Variants in UTS2B observed in about 807,000 individuals in gnomAD.
UTS2B encodes urotensin 2B.
UTS2B carries 21 observed loss-of-function variants against 19.2 expected under a neutral mutation model. That is an observed-to-expected ratio of 1.09 (90% CI 0.78 to 1.58). The LOEUF is 1.58. Among genes scored for constraint, UTS2B ranks in the 40% most tolerant of loss-of-function variants. The pLI, the probability that UTS2B is intolerant of heterozygous loss-of-function variation, is 0.00. For missense variants in UTS2B, 138 were observed against 130.3 expected, an observed-to-expected ratio of 1.06 and a Z score of -0.29; for synonymous variants, 57 against 50.2, an observed-to-expected ratio of 1.14 and a Z score of -0.58.
chr3:191,304,031 G>A (rs775800369), intron 4 of UTS2B, among the ~76,000 whole-genome samples: 6 of 151,814 alleles, frequency 4.0e-5, no homozygotes, highest in Non-Finnish European at 8.8e-5. Context: ...GTGCAGTGGC[G>A]CAATCTCGGC....
At chr3:191,335,630 T>C in the UTS2B span, among the ~76,000 whole-genome samples, 1 of 152,018 alleles carries the variant, frequency 6.6e-6, no homozygotes, top group African/African-American at 2.4e-5. Context: ...CATACACACA[T>C]ACATTAAGTG....
chr3:191,340,862 G>A, the UTS2B span, among the ~76,000 whole-genome samples: 20 of 152,286 alleles, frequency 1.3e-4, no homozygotes, highest in African/African-American at 3.8e-4. Context: ...TAGAGACAGG[G>A]TTTCACTCTG....
chr3:191,274,489 G>A (rs116779148), intron 8 of UTS2B, among the ~76,000 whole-genome samples: 1,828 of 152,256 alleles, frequency 0.012, 27 homozygotes, highest in African/African-American at 0.038. Flanking sequence ...CCAAGGTTGC[G>A]TAGGTAGTCA....
the UTS2B span, among the ~76,000 whole-genome samples, chr3:191,338,318 C>T: frequency 1.3e-5 from 2 of 152,010 alleles, no homozygotes; most frequent in Admixed American, 6.6e-5. Context: ...GTGTAAATAT[C>T]GAATACAAGA....
In UTS2B at chr3:191,276,900, G is replaced by C; in HGVS notation, c.203-56C>G. Reference sequence around the variant, plus strand: ...GTACATTGCAAGTAATATTTAATTTGCTTCAGTACACACATTTAAGATCTT... The same window carrying C: ...GTACATTGCAAGTAATATTTAATTTCCTTCAGTACACACATTTAAGATCTT... On this transcript the variant is annotated intron_variant, in intron 6 of 8. Coordinates refer to ENST00000340524, the MANE Select transcript of UTS2B (RefSeq NM_198152.5). The C allele has an allele frequency of 2.7e-6, 4 of 1,501,650 alleles. No homozygotes were observed. In the East Asian group the frequency reaches 6.8e-5, roughly 26 times the overall value. 93.0% of individuals were successfully genotyped at this position (1,501,650 alleles called of 1,614,324 possible). A position where few individuals can be genotyped will look rare whatever the true frequency, so the allele number is the denominator to read the frequency against.
intron 3 of UTS2B, among the ~76,000 whole-genome samples, chr3:191,306,440 A>C (rs1192763383): frequency 6.6e-6 from 1 of 152,206 alleles, no homozygotes; most frequent in Non-Finnish European, 1.5e-5. Flanking sequence ...TTTATAGTTT[A>C]TATTTATCAT....
upstream of UTS2B, among the ~76,000 whole-genome samples, chr3:191,332,296 A>C (rs1313022513): frequency 1.3e-5 from 2 of 152,316 alleles, no homozygotes; most frequent in East Asian, 3.9e-4. Context: ...CTTTTGAAAA[A>C]ACACACACAC....
intron 2 of UTS2B, among the ~76,000 whole-genome samples, chr3:191,323,533 G>T (rs1215569693): frequency 2.6e-5 from 4 of 152,134 alleles, no homozygotes; most frequent in African/African-American, 4.8e-5. Flanking sequence ...GGACCTTGTA[G>T]GTATAAGGGA....
chr3:191,332,666 A>G (rs922461916), upstream of UTS2B, among the ~76,000 whole-genome samples: 3 of 152,254 alleles, frequency 2.0e-5, no homozygotes, highest in African/African-American at 7.2e-5. Flanking sequence ...TGGAGTTCAG[A>G]GCTGGAAACA....
At position 191,282,186 on chromosome 3, in the gene UTS2B, T is replaced by C. The variant is rs1233830073; in HGVS notation, c.4A>G (p.Asn2Asp). 5 of 1,608,204 alleles carry C rather than the reference T, an allele frequency of 3.1e-6. No individual in the cohort carries two copies. Among genetic ancestry groups the C allele is most frequent in the Non-Finnish European group, 8.5e-7 (1 of 1,177,572 alleles). The stretch of plus-strand genomic sequence containing the variant: ...CAAACAGTGCTTGAGAGGATCTTGT[T>C]CATGTTAAAAAAAACCTTCTGGACT... M[N>D]KILSSTVCFG... The change falls in exon 5 of 9, where the codon AAC (asparagine) becomes GAC (aspartate). Residue 2 changes from asparagine (N) to aspartate (D), a missense_variant. Physicochemically the swap from Asn to Asp is conservative, Grantham distance 23. Transcript: ENST00000340524.
chr3:191,327,751 G>GA, intron 2 of UTS2B, among the ~76,000 whole-genome samples: 1 of 152,310 alleles, frequency 6.6e-6, no homozygotes, highest in East Asian at 1.9e-4. Context: ...GCTTGGTAGA[G>GA]AAGTAGAAAC....
At chr3:191,292,013 A>C (rs944816953) in intron 4 of UTS2B, among the ~76,000 whole-genome samples, 2 of 152,176 alleles carry the variant, frequency 1.3e-5, no homozygotes, top group African/African-American at 4.8e-5. Context: ...TAAGCCTTGA[A>C]ATTGGAAAGT....
At chr3:191,300,559 G>A (rs1716971308) in intron 4 of UTS2B, among the ~76,000 whole-genome samples, 1 of 152,206 alleles carries the variant, frequency 6.6e-6, no homozygotes, top group African/African-American at 2.4e-5. Flanking sequence ...GCTGAGAAGG[G>A]ATGGCTGTAT....
At chr3:191,279,838 TA>T (rs1005732643) in intron 5 of UTS2B, among the ~76,000 whole-genome samples, 3 of 151,736 alleles carry the variant, frequency 2.0e-5, no homozygotes, top group African/African-American at 7.3e-5. Context: ...AGATATTGGC[TA>T]AAAAAAAGCA....
chr3:191,296,229 G>A (rs1224178105), intron 4 of UTS2B, among the ~76,000 whole-genome samples: 2 of 151,814 alleles, frequency 1.3e-5, no homozygotes, highest in Admixed American at 1.3e-4. Context: ...GCACCTGCAG[G>A]GAGGCATACT....
At chr3:191,272,445 T>C (rs978101500) in intron 8 of UTS2B, among the ~76,000 whole-genome samples, 4 of 152,200 alleles carry the variant, frequency 2.6e-5, no homozygotes, top group African/African-American at 9.6e-5. Context: ...AAAGAGTAAA[T>C]TGGCAAGCAG....
At chr3:191,309,708 C>CA (rs1405761103) in intron 3 of UTS2B, among the ~76,000 whole-genome samples, 2 of 152,046 alleles carry the variant, frequency 1.3e-5, no homozygotes, top group Admixed American at 6.6e-5. Flanking sequence ...GCGCGTGAGT[C>CA]AGTTATTGTG....
chr3:191,296,423 C>T (rs1264985710), intron 4 of UTS2B, among the ~76,000 whole-genome samples: 1 of 152,198 alleles, frequency 6.6e-6, no homozygotes, highest in Non-Finnish European at 1.5e-5. Context: ...CAGCTCATAT[C>T]TCAACCGTAA....
intron 4 of UTS2B, among the ~76,000 whole-genome samples, chr3:191,287,581 T>C (rs1716591522): frequency 6.6e-6 from 1 of 152,098 alleles, no homozygotes; most frequent in East Asian, 1.9e-4. Flanking sequence ...ACTCTCAACA[T>C]ATTAAGTATG....
Sources: gnomAD v4.1 joint callset for allele counts (sites outside exome capture counted in the v4.1 genomes callset) on GRCh38, gnomAD v4.1.1 for gene constraint, MANE v1.5 for transcripts, NCBI Gene and HGNC (gene_info 2026-07-23, HGNC 2026-07-21) for gene names.